CCDC60: variants seen among roughly 807,000 people sequenced by gnomAD.
CCDC60 encodes the protein coiled-coil domain containing 60.
In CCDC60, 54 loss-of-function variants were observed where a neutral mutation model predicts 63.5. That is an observed-to-expected ratio of 0.85 (90% confidence interval 0.68 to 1.07). The LOEUF (loss-of-function observed/expected upper bound fraction) is 1.07, where lower values mean the gene tolerates loss of function less well. CCDC60 is among the 50% of genes least tolerant of loss of function. The probability of loss-of-function intolerance (pLI) is 0.00; values close to 1 mark genes in which losing one functional copy is unlikely to be tolerated. For missense variants in CCDC60, 651 were observed against 684.3 expected, an observed-to-expected ratio of 0.95 and a Z score of 0.54; for synonymous variants, 206 against 238.8, an observed-to-expected ratio of 0.86 and a Z score of 1.27.
At chr12:119,335,773 T>C (rs1955464567) in intron 1 of CCDC60, among the ~76,000 whole-genome samples, 1 of 152,004 alleles carries the variant, frequency 6.6e-6, no homozygotes, top group Admixed American at 6.6e-5. Flanking sequence ...GATGGTACTT[T>C]CTTTTGCTGT....
intron 7 of CCDC60, among the ~76,000 whole-genome samples, chr12:119,511,551 A>G (rs1337733281): frequency 2.0e-5 from 3 of 152,214 alleles, no homozygotes; most frequent in Admixed American, 6.5e-5. Flanking sequence ...CCTTCAAACC[A>G]GCCCCGTACA....
chr12:119,335,421 T>G (rs1955460851), intron 1 of CCDC60, among the ~76,000 whole-genome samples, 155 bp downstream of exon 1: 1 of 151,718 alleles, frequency 6.6e-6, no homozygotes, highest in South Asian at 2.1e-4. Context: ...ACCAACAGTG[T>G]AAAAGTGTTC....
chr12:119,401,305 T>C (rs1250984371), intron 1 of CCDC60, among the ~76,000 whole-genome samples: 1 of 152,184 alleles, frequency 6.6e-6, no homozygotes, highest in African/African-American at 2.4e-5. Context: ...CCATCTAATC[T>C]CCTATCACCA....
At chr12:119,433,599 A>T in intron 2 of CCDC60, 1 of 702,306 alleles carries the variant, frequency 1.4e-6, no homozygotes. Context: ...CCCTGACCCC[A>T]TATCCCAGTA....
intron 1 of CCDC60, among the ~76,000 whole-genome samples, chr12:119,390,540 C>T (rs771556481): frequency 6.6e-6 from 1 of 152,168 alleles, no homozygotes; most frequent in Non-Finnish European, 1.5e-5. Flanking sequence ...AATGAATGGA[C>T]AAATGAATGA....
At chr12:119,350,720 T>C (rs1955647623) in intron 1 of CCDC60, among the ~76,000 whole-genome samples, 1 of 152,306 alleles carries the variant, frequency 6.6e-6, no homozygotes, top group Non-Finnish European at 1.5e-5. Flanking sequence ...AATGCTCTGG[T>C]TCCCGCTCTC....
intron 1 of CCDC60, among the ~76,000 whole-genome samples, chr12:119,376,407 C>T (rs978541458): frequency 3.9e-5 from 6 of 152,104 alleles, no homozygotes; most frequent in African/African-American, 9.7e-5. Flanking sequence ...GCGGGCAGAT[C>T]GCTTGAGTCC....
In CCDC60 at chr12:119,335,267, G is replaced by T; in HGVS notation, c.90+1G>T. 6.3e-7 allele frequency: 1 copy of T among 1,594,552 alleles called. No homozygotes were observed. Among genetic ancestry groups the T allele is most frequent in the Non-Finnish European group, 8.5e-7 (1 of 1,170,634 alleles). On this transcript the variant is annotated splice_donor_variant, in intron 1 of 13. Transcript: ENST00000327554. LOFTEE classifies it high-confidence loss of function. ...TTATGCCTCGGAGAACCTAAGGCAG[G>T]TAAGTCTCCCCTCTGCTGAAACCAA...
At chr12:119,458,997 G>A (rs759827936) in intron 2 of CCDC60, among the ~76,000 whole-genome samples, 4 of 152,028 alleles carry the variant, frequency 2.6e-5, no homozygotes, top group Non-Finnish European at 4.4e-5. Context: ...ATCCACCTCC[G>A]TCGGCCGCCC....
Position 119,472,003 on chromosome 12 carries a change from C to A in CCDC60, c.180C>A (p.Ile60=), listed in dbSNP as rs777449595. 7 of 1,612,198 alleles carry A rather than the reference C, an allele frequency of 4.3e-6. No individual in the cohort carries two copies. The highest frequency in any genetic ancestry group is 1.6e-4 in the Middle Eastern group (1 of 6,074). Residue 60 remains isoleucine (I), a synonymous_variant, in exon 3 of 14, where the codon ATC becomes ATA. Coordinates refer to ENST00000327554, the MANE Select transcript of CCDC60 (RefSeq NM_178499.5). ...CCCTGCATGTCTCCAGCTTTTTGAT[C>A]CAGTCTGTGAAGATAGGCCGTGGAT... ...KKDLIRSRFL[I]QSVKIGRGYF... is the part of the protein sequence containing the mutation.
chr12:119,481,037 TCAC>T (rs2136351308), intron 4 of CCDC60, among the ~76,000 whole-genome samples: 1 of 150,920 alleles, frequency 6.6e-6, no homozygotes, highest in Non-Finnish European at 1.5e-5. Flanking sequence ...ATCATCATCA[TCAC>T]CATCATCCTC....
intron 1 of CCDC60, among the ~76,000 whole-genome samples, chr12:119,339,260 C>A (rs565161637): frequency 3.3e-5 from 5 of 152,208 alleles, no homozygotes; most frequent in Non-Finnish European, 7.4e-5. Context: ...AAGAGAGGTG[C>A]TTAGAACATC....
chr12:119,352,807 G>A (rs1249807272), intron 1 of CCDC60, among the ~76,000 whole-genome samples: 1 of 152,142 alleles, frequency 6.6e-6, no homozygotes, highest in African/African-American at 2.4e-5. Flanking sequence ...TGTGGTGGTG[G>A]TAGGTACCTG....
At chr12:119,360,372 G>A (rs1173495221) in intron 1 of CCDC60, among the ~76,000 whole-genome samples, 4 of 87,448 alleles carry the variant, frequency 4.6e-5, no homozygotes, top group African/African-American at 9.2e-5. Flanking sequence ...CGGACGGGGC[G>A]GCTGGCCGGG....
intron 2 of CCDC60, among the ~76,000 whole-genome samples, chr12:119,462,561 A>G (rs1417933875): frequency 6.6e-6 from 1 of 152,206 alleles, no homozygotes; most frequent in Non-Finnish European, 1.5e-5. Flanking sequence ...AATAAGTTGA[A>G]AAAAATCTCT....
intron 7 of CCDC60, among the ~76,000 whole-genome samples, chr12:119,508,636 T>G (rs915705090): frequency 6.6e-6 from 1 of 152,182 alleles, no homozygotes; most frequent in Non-Finnish European, 1.5e-5. Context: ...GTCTGATGTT[T>G]GAACTGAGAC....
chr12:119,414,905 AC>A (rs1956672732), intron 1 of CCDC60, among the ~76,000 whole-genome samples: 1 of 152,168 alleles, frequency 6.6e-6, no homozygotes, highest in Admixed American at 6.5e-5. Flanking sequence ...CTGACCACTG[AC>A]CAATTGTGTA....
intron 1 of CCDC60, among the ~76,000 whole-genome samples, chr12:119,398,003 G>GC (rs1956302708): frequency 2.5e-5 from 1 of 39,782 alleles, no homozygotes; most frequent in African/African-American, 1.1e-4. Context: ...CGGTGTGGGG[G>GC]GATGGGAGGA....
At chr12:119,402,348 G>C (rs1956407336) in intron 1 of CCDC60, 1 of 152,262 alleles carries the variant, frequency 6.6e-6, no homozygotes, top group South Asian at 2.1e-4. Flanking sequence ...AGAGGATCGT[G>C]TATTCTTGTC....
Sources: allele counts gnomAD v4.1 joint callset (sites outside exome capture counted in the v4.1 genomes callset), GRCh38; gene constraint gnomAD v4.1.1; transcripts MANE v1.5; gene names NCBI Gene and HGNC (gene_info 2026-07-23, HGNC 2026-07-21).